The following CYP3A5 variants were observed in gnomAD, a reference collection of about 807,000 sequenced individuals.
CYP3A5 encodes cytochrome P450 family 3 subfamily A member 5.
A neutral mutation model predicts 55.9 loss-of-function variants in CYP3A5; 51 were observed. That is an observed-to-expected ratio of 0.91 (90% CI 0.73 to 1.15). The LOEUF (loss-of-function observed/expected upper bound fraction) is 1.15. Ranked by LOEUF, CYP3A5 falls within the 50% of genes most tolerant of loss-of-function variation. CYP3A5 has a pLI of 0.00. For missense variants in CYP3A5, 533 were observed against 596.6 expected (o/e 0.89, Z 1.11); for synonymous variants, 196 against 213.9 (o/e 0.92, Z 0.73).
chr7:99,651,253 A>AAT (rs1293904937), intron 11 of CYP3A5, among the ~76,000 whole-genome samples: 4 of 152,068 alleles, frequency 2.6e-5, no homozygotes, highest in African/African-American at 4.8e-5. Context: ...AACATTCTCT[A>AAT]ATATATATAT....
chr7:99,663,523 A>C, intron 8 of CYP3A5: 2 of 991,952 alleles, frequency 2.0e-6, no homozygotes, highest in Non-Finnish European at 2.4e-6. Context: ...TTTACCACAC[A>C]CTACATGTCA....
Position 99,672,617 on chromosome 7 carries a change from A to T in CYP3A5, c.281T>A (p.Leu94Gln), listed in dbSNP as rs752003788. 3 of 1,614,136 alleles carry T rather than the reference A, an allele frequency of 1.9e-6. No homozygotes were observed. Among genetic ancestry groups the T allele is most frequent in the Non-Finnish European group, 1.7e-6 (2 of 1,179,966 alleles). Residue 94 changes from leucine to glutamine, a missense_variant, in exon 4 of 13, where the codon CTA becomes CAA. Leu to Gln is a moderately radical substitution (Grantham distance 113). Transcript: ENST00000222982. ...GAAGACAGAATAACATTCTTTCACT[A>T]GCACTGTTCTGATCACGTCGGGATC... ...ITDPDVIRTV[L>Q]VKECYSVFTN...
intron 11 of CYP3A5, 129 bp from the exon 12 acceptor site, chr7:99,650,361 G>T: frequency 1.2e-6 from 1 of 815,262 alleles, no homozygotes. Context: ...ACTTTTGTGG[G>T]CTGGTCATTG....
chr7:99,665,824 C>T (rs1444199109), intron 6 of CYP3A5, among the ~76,000 whole-genome samples: 4 of 152,216 alleles, frequency 2.6e-5, no homozygotes, highest in African/African-American at 9.6e-5. Flanking sequence ...ACACTCCCTG[C>T]TAATGCTCTG....
At chr7:99,660,062 A>G (rs746194125) in intron 10 of CYP3A5, 1 of 337,772 alleles carries the variant, frequency 3.0e-6, no homozygotes, top group Non-Finnish European at 4.2e-6. Flanking sequence ...GGTGCACTGC[A>G]CCCACTGTCC....
intron 1 of CYP3A5, 40 bp from the exon 2 acceptor site, chr7:99,676,248 CT>C: frequency 6.2e-7 from 1 of 1,611,200 alleles, no homozygotes; most frequent in Non-Finnish European, 8.5e-7. Context: ...GGGATTGTGA[CT>C]TTATAGATCA....
intron 3 of CYP3A5, chr7:99,672,927 A>C: frequency 7.8e-7 from 1 of 1,288,778 alleles, no homozygotes; most frequent in Non-Finnish European, 9.8e-7. Flanking sequence ...TGAAAGACAA[A>C]AGAGCTCTTT....
At chr7:99,650,331 C>T (rs1809049546) in intron 11 of CYP3A5, 99 bp from the exon 12 acceptor site, 3 of 1,085,290 alleles carry the variant, frequency 2.8e-6, no homozygotes, top group Admixed American at 4.0e-5. Flanking sequence ...CTCCACCTCC[C>T]AACCAGTAGT....
rs377523033 is a variant in CYP3A5, at chr7:99,665,162, A to G, written c.670+4T>C. ...AAGAGAGAAAGAAATAATAGCCCAC[A>G]TACTTATTGAGAGAAATAATGGATC... On this transcript the variant is annotated splice_donor_region_variant and intron_variant, in intron 7 of 12. Coordinates refer to ENST00000222982, the MANE Select transcript of CYP3A5 (RefSeq NM_000777.5). 1.7e-4 allele frequency: 279 copies of G among 1,602,874 alleles called. No homozygotes were observed. Among genetic ancestry groups the G allele is most frequent in the Middle Eastern group, 6.6e-4 (4 of 6,026 alleles).
chr7:99,663,764 T>A, intron 8 of CYP3A5: 1 of 1,237,810 alleles, frequency 8.1e-7, no homozygotes, highest in Non-Finnish European at 1.0e-6. Flanking sequence ...TGTGCCTGAT[T>A]TCAAGTTTTA....
intron 4 of CYP3A5, among the ~76,000 whole-genome samples, chr7:99,670,109 T>G (rs759723530): frequency 1.3e-5 from 2 of 152,210 alleles, no homozygotes; most frequent in Admixed American, 6.5e-5. Flanking sequence ...AGTCATTCAC[T>G]TTTTAGAAGT....
chr7:99,679,199 G>C (rs1353497478), intron 1 of CYP3A5, among the ~76,000 whole-genome samples: 1 of 152,270 alleles, frequency 6.6e-6, no homozygotes, highest in African/African-American at 2.4e-5. Flanking sequence ...TGTATGACAG[G>C]GTGGAGGAGT....
intron 2 of CYP3A5, among the ~76,000 whole-genome samples, chr7:99,675,662 C>T (rs1443100137): frequency 3.6e-5 from 2 of 56,230 alleles, no homozygotes; most frequent in East Asian, 1.1e-3. Flanking sequence ...CCCTCCCCTC[C>T]CCTCCCCTCT....
Position 99,660,657 on chromosome 7 carries a change from G to T in CYP3A5, c.868C>A (p.Leu290Met). The change falls in exon 10 of 13, where the codon CTG becomes ATG. Residue 290 changes from leucine (L) to methionine (M), a missense_variant and splice_region_variant. Leu to Met is a conservative substitution (Grantham distance 15). Transcript: ENST00000222982. ...NSKETESHKA[L>M]SDLELAAQSI... ...TGGGCTGCGAGCTCCAGATCAGACA[G>T]AGCTGAAAGGAGAGGAAAGACATTT... The T allele has an allele frequency of 6.2e-7, 1 of 1,613,644 alleles. No individual in the cohort carries two copies. The highest frequency in any genetic ancestry group is 1.1e-5 in the South Asian group (1 of 91,062).
At chr7:99,676,621 T>C (rs773333179) in intron 1 of CYP3A5, 6 of 1,216,226 alleles carry the variant, frequency 4.9e-6, no homozygotes, top group Non-Finnish European at 6.7e-6. Context: ...GCACTGATGA[T>C]GAGATTTTGC....
intron 3 of CYP3A5, 56 bp downstream of exon 3, chr7:99,674,477 G>A: frequency 7.1e-7 from 1 of 1,415,274 alleles, no homozygotes; most frequent in South Asian, 1.2e-5. Flanking sequence ...ATCCTGCAGT[G>A]GGGTAACCTC....
chr7:99,677,478 A>G (rs1226382273), intron 1 of CYP3A5, among the ~76,000 whole-genome samples: 2 of 152,252 alleles, frequency 1.3e-5, no homozygotes, highest in Non-Finnish European at 2.9e-5. Flanking sequence ...CATATAAGAT[A>G]AGTAATGATA....
intron 1 of CYP3A5, among the ~76,000 whole-genome samples, chr7:99,678,699 A>G (rs1219942757): frequency 6.6e-6 from 1 of 152,258 alleles, no homozygotes; most frequent in Non-Finnish European, 1.5e-5. Flanking sequence ...AATTTAAACC[A>G]TATCAATTCA....
intron 7 of CYP3A5, 78 bp downstream of exon 7, chr7:99,665,088 G>T: frequency 8.2e-7 from 1 of 1,220,510 alleles, no homozygotes; most frequent in Non-Finnish European, 1.1e-6. Flanking sequence ...TTAAGTGGAT[G>T]AATTATACGA....
Sources: gnomAD v4.1 joint callset for allele counts (sites outside exome capture counted in the v4.1 genomes callset) on GRCh38, gnomAD v4.1.1 for gene constraint, MANE v1.5 for transcripts, NCBI Gene and HGNC (gene_info 2026-07-23, HGNC 2026-07-21) for gene names.